SDK1: variants seen among roughly 807,000 people sequenced by gnomAD.
SDK1 encodes protein sidekick-1.
SDK1 carries 157 observed loss-of-function variants against 245.5 expected under a neutral mutation model. The ratio of observed to expected loss-of-function variants is 0.64; its 90% confidence interval spans 0.56 to 0.73. The LOEUF is 0.73. Among genes scored for constraint, SDK1 ranks in the 30% least tolerant of loss-of-function variants. SDK1 has a pLI of 0.00. For synonymous variants in SDK1, 1,647 were observed against 1,278.5 expected (o/e 1.29, Z -6.15); for missense variants, 3,583 against 3,002.3 (o/e 1.19, Z -4.52).
In SDK1 at chr7:3,759,295, T is replaced by C. The variant is rs74537164; in HGVS notation, c.714-62155T>C. ...CTAAATAGAAAGTGGGAATGTTTAATAGGGAATGCTCATGTTGGTGGCTAT... is the reference window on the plus strand; with the variant it reads ...CTAAATAGAAAGTGGGAATGTTTAACAGGGAATGCTCATGTTGGTGGCTAT... On this transcript the variant is annotated intron_variant, in intron 4 of 44. Transcript: ENST00000404826. Among the ~76,000 whole-genome samples the C allele has an allele frequency of 5.8e-3, 880 of 152,314 alleles. 7 individuals carry two copies. The highest frequency in any genetic ancestry group is 0.02 in the African/African-American group (824 of 41,578).
Position 3,384,800 on chromosome 7 carries a change from A to C in SDK1, c.298+82916A>C, listed in dbSNP as rs191776480. Among the ~76,000 whole-genome samples the C allele has an allele frequency of 2.7e-3, 414 of 152,340 alleles. 2 individuals carry two copies. The highest frequency in any genetic ancestry group is 5.5e-3 in the Admixed American group (84 of 15,302). On this transcript the variant is annotated intron_variant, in intron 1 of 44. Transcript: ENST00000404826. ...ATGTACATTTGAAGCGTATATGCACACTTACATAGGTACACACATATATGT... is the reference window on the plus strand; with the variant it reads ...ATGTACATTTGAAGCGTATATGCACCCTTACATAGGTACACACATATATGT...
At position 3,955,585 on chromosome 7, in the gene SDK1, C is replaced by T. The variant is rs532773702; in HGVS notation, c.1151-3346C>T. 2.4e-4 allele frequency among the ~76,000 whole-genome samples: 36 copies of T among 152,252 alleles called. 1 individual carries two copies. The highest frequency in any genetic ancestry group is 8.7e-4 in the African/African-American group (36 of 41,552). On this transcript the variant is annotated intron_variant, in intron 7 of 44. Coordinates refer to ENST00000404826, the MANE Select transcript of SDK1 (RefSeq NM_152744.4). ...CGGTGGACTAGCGTGCAGTGCAGGC[C>T]AGCCGAGGGCATGCGTGGGACATGC...
rs117697379 is a variant in SDK1, at chr7:3,583,945, C to G, written c.299-35135C>G. 7.0e-3 allele frequency among the ~76,000 whole-genome samples: 1,059 copies of G among 152,198 alleles called. 37 individuals carry two copies. The highest frequency in any genetic ancestry group is 0.016 in the East Asian group (81 of 5,154). The stretch of plus-strand genomic sequence containing the variant: ...GAGTGAAGGTCCCGTATCAGCAGAC[C>G]AGGAAGGAATAAGGCTGGAACCCCA... On this transcript the variant is annotated intron_variant, in intron 1 of 44. Coordinates refer to ENST00000404826, the MANE Select transcript of SDK1 (RefSeq NM_152744.4).
intron 1 of SDK1, among the ~76,000 whole-genome samples, chr7:3,489,498 A>G (rs1352579079): frequency 6.6e-6 from 1 of 152,214 alleles, no homozygotes; most frequent in Non-Finnish European, 1.5e-5. Context: ...TAGGATTTTG[A>G]GCAGCCAGAC....
chr7:3,705,451 ATTTTATTTTATTTTATTTTATT>A (rs1481115934), intron 4 of SDK1, among the ~76,000 whole-genome samples: 1,506 of 127,946 alleles, frequency 0.012, 33 homozygotes, highest in African/African-American at 0.056. Flanking sequence ...ATTTTATTTT[ATTTTATTTTATTTTATTTTATT>A]TTATTTTATT....
chr7:3,840,762 T>C (rs1339937649), intron 5 of SDK1, among the ~76,000 whole-genome samples: 1 of 152,228 alleles, frequency 6.6e-6, no homozygotes, highest in Admixed American at 6.5e-5. Context: ...ACTCGCAGTA[T>C]GATCCGAGAA....
At chr7:4,102,442 T>C (rs937156254) in intron 22 of SDK1, among the ~76,000 whole-genome samples, 1 of 152,010 alleles carries the variant, frequency 6.6e-6, no homozygotes, top group Non-Finnish European at 1.5e-5. Flanking sequence ...ATGGAAGGGG[T>C]TCTGGAGCAT....
chr7:4,258,659 G>A (rs1306600550), intron 44 of SDK1, among the ~76,000 whole-genome samples: 1 of 152,194 alleles, frequency 6.6e-6, no homozygotes, highest in Non-Finnish European at 1.5e-5. Flanking sequence ...TGCATTTGTG[G>A]ATGTTGATTG....
rs186317225 is a variant in SDK1 at position 3,344,055 on chromosome 7, T to C, written c.298+42171T>C. On this transcript the variant is annotated intron_variant, in intron 1 of 44. Coordinates refer to ENST00000404826, the MANE Select transcript of SDK1 (RefSeq NM_152744.4). Reference sequence around the variant, plus strand: ...AAAAAAACTAGAAATGCATGTATATTTTCACTAAGTTTAGTTAGATCAAAC... The same window carrying C: ...AAAAAAACTAGAAATGCATGTATATCTTCACTAAGTTTAGTTAGATCAAAC... 3.9e-3 allele frequency among the ~76,000 whole-genome samples: 596 copies of C among 151,448 alleles called. 6 individuals carry two copies. Among genetic ancestry groups the C allele is most frequent in the African/African-American group, 0.013 (549 of 41,180 alleles).
intron 35 of SDK1, among the ~76,000 whole-genome samples, chr7:4,202,862 G>A (rs1393937692): frequency 2.0e-5 from 3 of 152,144 alleles, no homozygotes; most frequent in Non-Finnish European, 4.4e-5. Flanking sequence ...CTGCAGCCCA[G>A]GCCTGCCATG....
At chr7:3,508,292 C>G (rs1156249805) in intron 1 of SDK1, among the ~76,000 whole-genome samples, 4 of 151,278 alleles carry the variant, frequency 2.6e-5, no homozygotes, top group Admixed American at 2.6e-4. Flanking sequence ...ATTACTCTTT[C>G]CTCTCTGACA....
intron 14 of SDK1, among the ~76,000 whole-genome samples, chr7:3,996,715 C>T (rs1016460417): frequency 6.6e-6 from 1 of 152,136 alleles, no homozygotes; most frequent in Non-Finnish European, 1.5e-5. Flanking sequence ...ATTCCATATT[C>T]TTTTATTATT....
chr7:4,204,959 G>T (rs114683839), intron 35 of SDK1, among the ~76,000 whole-genome samples: 2,148 of 151,676 alleles, frequency 0.014, 53 homozygotes, highest in African/African-American at 0.048. Context: ...AAATGGCTGT[G>T]TGGTGAGGTG....
At chr7:4,250,309 G>A (rs1043550049) in intron 44 of SDK1, among the ~76,000 whole-genome samples, 11 of 151,236 alleles carry the variant, frequency 7.3e-5, no homozygotes, top group Non-Finnish European at 2.9e-5. Flanking sequence ...AAACAAACAT[G>A]TTGTATTTTG....
Position 4,266,624 on chromosome 7 carries a change from G to C in SDK1, c.*1240G>C, listed in dbSNP as rs1015086048. On this transcript the variant is annotated 3_prime_UTR_variant, in exon 45 of 45. Transcript: ENST00000404826. Reference sequence around the variant, plus strand: ...TTTGGTTTAAATTTTTCAGCTAGATGAAAAGAGTATGAACTACTTTGGAAA... The same window carrying C: ...TTTGGTTTAAATTTTTCAGCTAGATCAAAAGAGTATGAACTACTTTGGAAA... 13 of 985,288 alleles carry C rather than the reference G, an allele frequency of 1.3e-5. No homozygotes were observed. Among genetic ancestry groups the C allele is most frequent in the Non-Finnish European group, 1.6e-5 (13 of 829,910 alleles). The allele number at this position is 985,288 out of a possible 1,614,324, so 61.0% of individuals were successfully genotyped here. A position where few individuals can be genotyped will look rare whatever the true frequency, so the allele number is the denominator to read the frequency against.
chr7:3,550,216 T>G (rs1415966676), intron 1 of SDK1, among the ~76,000 whole-genome samples: 2 of 152,208 alleles, frequency 1.3e-5, no homozygotes, highest in Non-Finnish European at 2.9e-5. Flanking sequence ...GCACCAATTA[T>G]AAAGGATTTC....
At chr7:4,051,906 C>G (rs939229106) in intron 19 of SDK1, 76 bp downstream of exon 19, 2 of 1,392,564 alleles carry the variant, frequency 1.4e-6, no homozygotes, top group African/African-American at 2.9e-5. Flanking sequence ...CAGAATCAGG[C>G]AAGGGCAGAG....
chr7:4,107,163 G>A (rs1050548290), intron 22 of SDK1, among the ~76,000 whole-genome samples: 1 of 149,260 alleles, frequency 6.7e-6, no homozygotes, highest in Non-Finnish European at 1.5e-5. Flanking sequence ...GGGGAGGGTG[G>A]GGCTGCAGGG....
At chr7:3,471,360 A>G (rs1781175603) in intron 1 of SDK1, among the ~76,000 whole-genome samples, 1 of 152,182 alleles carries the variant, frequency 6.6e-6, no homozygotes, top group Non-Finnish European at 1.5e-5. Flanking sequence ...AAGTGGTATT[A>G]GGAATCTAGA....
Sources: allele counts gnomAD v4.1 joint callset (sites outside exome capture counted in the v4.1 genomes callset), GRCh38; gene constraint gnomAD v4.1.1; transcripts MANE v1.5; gene names NCBI Gene and HGNC (gene_info 2026-07-23, HGNC 2026-07-21).